Variants in ING5 observed in about 807,000 individuals in gnomAD.
ING5 encodes the protein inhibitor of growth family member 5, also known as inhibitor of growth protein 5.
A neutral mutation model predicts 37.4 loss-of-function variants in ING5; 17 were observed. That is an observed-to-expected ratio of 0.45 (90% CI 0.31 to 0.68). The LOEUF (loss-of-function observed/expected upper bound fraction) is 0.68, where lower values mean the gene tolerates loss of function less well. ING5 is among the 30% of genes least tolerant of loss of function. The pLI is 0.05. For missense variants in ING5, 233 were observed against 311.9 expected (o/e 0.75, Z 1.91); for synonymous variants, 123 against 116.6 (o/e 1.06, Z -0.36).
At position 241,702,117 on chromosome 2, in the gene ING5, C is replaced by G; in HGVS notation, c.37+15C>G. On this transcript the variant is annotated intron_variant, in intron 1 of 7. Coordinates refer to ENST00000313552, the MANE Select transcript of ING5 (RefSeq NM_032329.6). Reference sequence around the variant, plus strand: ...CTATCTGGACAGTAAGCGCGCCCCACGGGCCCCGCGCCCGCCGCCCACGCG... The same window carrying G: ...CTATCTGGACAGTAAGCGCGCCCCAGGGGCCCCGCGCCCGCCGCCCACGCG... 4 of 1,306,986 alleles carry G rather than the reference C, an allele frequency of 3.1e-6. No homozygotes were observed. The highest frequency in any genetic ancestry group is 3.9e-6 in the Non-Finnish European group (4 of 1,021,084). The allele number at this position is 1,306,986 out of a possible 1,614,324, so 81.0% of individuals were successfully genotyped here. A position where few individuals can be genotyped will look rare whatever the true frequency, so the allele number is the denominator to read the frequency against.
In ING5 at chr2:241,725,564, T is replaced by C. The variant is rs10047; in HGVS notation, c.*533T>C. 0.61 allele frequency: 92,766 copies of C among 152,072 alleles called. 29,140 individuals are homozygous for C. Among genetic ancestry groups the C allele is most frequent in the East Asian group, 0.8 (4,138 of 5,154 alleles). The allele number at this position is 152,072 out of a possible 1,614,324, so 9.4% of individuals were successfully genotyped here. A position where few individuals can be genotyped will look rare whatever the true frequency, so the allele number is the denominator to read the frequency against. Reference sequence around the variant, plus strand: ...GCGCTCCCGCGTGGGGCGCCTCGGATGGGCCCGGGAGGGCTGGGGGCTCTT... The same window carrying C: ...GCGCTCCCGCGTGGGGCGCCTCGGACGGGCCCGGGAGGGCTGGGGGCTCTT... On this transcript the variant is annotated 3_prime_UTR_variant, in exon 8 of 8. Transcript: ENST00000313552.
At chr2:241,701,957 C>T (rs2069738000), upstream of ING5, 2 of 683,850 alleles carry the variant, frequency 2.9e-6, no homozygotes, top group Non-Finnish European at 4.1e-6. Flanking sequence ...CCGGGCGCGA[C>T]CAATCAGCGC....
upstream of ING5, chr2:241,702,027 G>T: frequency 7.4e-7 from 1 of 1,345,182 alleles, no homozygotes. Context: ...CCGCGGCACC[G>T]CCCGCCCGCG....
chr2:241,706,504 C>G (rs1559302206), intron 2 of ING5, among the ~76,000 whole-genome samples: 1 of 151,690 alleles, frequency 6.6e-6, no homozygotes, highest in Non-Finnish European at 1.5e-5. Context: ...TGGCGCACGC[C>G]TATAATCCCA....
chr2:241,712,446 C>A (rs1575130853), intron 5 of ING5: 1 of 184,852 alleles, frequency 5.4e-6, no homozygotes, highest in Non-Finnish European at 1.1e-5. Flanking sequence ...CTTTAAGTAG[C>A]TAGATTTCTG....
At position 241,722,919 on chromosome 2, in the gene ING5, C is replaced by G; in HGVS notation, c.483-20C>G. Reference sequence around the variant, plus strand: ...TTCCCACCATGGCCTTCAGTGGTGCCTGTGCCCTGTCCCCTGCAGGTCTGA... The same window carrying G: ...TTCCCACCATGGCCTTCAGTGGTGCGTGTGCCCTGTCCCCTGCAGGTCTGA... On this transcript the variant is annotated intron_variant, in intron 5 of 7. Transcript: ENST00000313552. 1.2e-6 allele frequency: 2 copies of G among 1,613,290 alleles called. No individual in the cohort carries two copies. The highest frequency in any genetic ancestry group is 1.7e-6 in the Non-Finnish European group (2 of 1,180,008).
intron 7 of ING5, 147 bp from the exon 8 acceptor site, chr2:241,724,842 A>T (rs1368258460): frequency 9.9e-6 from 7 of 706,762 alleles, no homozygotes; most frequent in Admixed American, 8.3e-5. Context: ...TCCCTGCGGG[A>T]GGGCCGCGGC....
In ING5 at chr2:241,723,717, A is replaced by C. The variant is rs976269171; in HGVS notation, c.680+446A>C. Reference sequence around the variant, plus strand: ...CTCTGCCCCTGGCTCTGTCTAGTGGAGAAGGGTGTGTTTTCTCTACCTGAC... The same window carrying C: ...CTCTGCCCCTGGCTCTGTCTAGTGGCGAAGGGTGTGTTTTCTCTACCTGAC... On this transcript the variant is annotated intron_variant, in intron 7 of 7. Coordinates refer to ENST00000313552, the MANE Select transcript of ING5 (RefSeq NM_032329.6). 1.3e-5 allele frequency: 20 copies of C among 1,578,694 alleles called. No individual in the cohort carries two copies. In the East Asian group the frequency reaches 4.2e-4, roughly 33 times the overall value.
chr2:241,705,625 C>T (rs1467098989), intron 2 of ING5, among the ~76,000 whole-genome samples: 1 of 152,010 alleles, frequency 6.6e-6, no homozygotes, highest in Non-Finnish European at 1.5e-5. Context: ...CCAGGATGGT[C>T]TTGATCTACT....
At chr2:241,722,902 A>G (rs2070466141) in intron 5 of ING5, 37 bp from the exon 6 acceptor site, 4 of 1,611,004 alleles carry the variant, frequency 2.5e-6, no homozygotes, top group African/African-American at 1.3e-5. Flanking sequence ...ACTTCCCACC[A>G]TGGCCTTCAG....
chr2:241,702,451 C>T (rs543713602), intron 1 of ING5, among the ~76,000 whole-genome samples: 33 of 152,096 alleles, frequency 2.2e-4, no homozygotes, highest in African/African-American at 7.7e-4. Context: ...GCTCCGGCCC[C>T]GGCCCCGCCA....
At position 241,723,058 on chromosome 2, in the gene ING5, G is replaced by T; in HGVS notation, c.602G>T (p.Gly201Val). 6.2e-7 allele frequency: 1 copy of T among 1,614,222 alleles called. No individual in the cohort carries two copies. The highest frequency in any genetic ancestry group is 8.5e-7 in the Non-Finnish European group (1 of 1,180,052). ...CHQVSYGEMI[G>V]CDNPDCPIEW... ...CAGGTCTCCTATGGGGAGATGATTG[G>T]CTGTGACAATCCAGACGTGAGTGTC... The change falls in exon 6 of 8, where the codon GGC (glycine) becomes GTC (valine). Residue 201 changes from glycine (G) to valine (V), a missense_variant. Physicochemically the swap from Gly to Val is moderately radical, Grantham distance 109 (BLOSUM62 -3). Coordinates refer to ENST00000313552, the MANE Select transcript of ING5 (RefSeq NM_032329.6).
intron 7 of ING5, chr2:241,724,639 C>T (rs1309493268): frequency 1.8e-5 from 6 of 335,552 alleles, no homozygotes; most frequent in South Asian, 3.6e-5. Flanking sequence ...ATGCTCTCAA[C>T]GCGTGCTTGG....
upstream of ING5, chr2:241,701,996 GCACCGCCCCGCCCC>G: frequency 1.7e-6 from 2 of 1,172,302 alleles, no homozygotes; most frequent in Non-Finnish European, 2.2e-6. Context: ...GAGCGCGCTG[GCACCGCCCCGCCCC>G]CGCCTCCCGC....
upstream of ING5, among the ~76,000 whole-genome samples, chr2:241,701,361 A>C (rs900893377): frequency 6.6e-6 from 1 of 152,210 alleles, no homozygotes; most frequent in South Asian, 2.1e-4. Context: ...CAAGGCATCC[A>C]GATGGTGCGG....
At chr2:241,723,962 A>G in intron 7 of ING5, 2 of 1,250,438 alleles carry the variant, frequency 1.6e-6, no homozygotes, top group Non-Finnish European at 2.2e-6. Context: ...GTGAGCTGAG[A>G]TCGCGCCACT....
upstream of ING5, among the ~76,000 whole-genome samples, chr2:241,697,467 CTG>C (rs1391397861): frequency 1.3e-5 from 2 of 149,282 alleles, no homozygotes; most frequent in Non-Finnish European, 3.0e-5. Context: ...CATGGGTAAA[CTG>C]TGGAACATCC....
At chr2:241,712,171 C>CA in intron 5 of ING5, 100 bp downstream of exon 5, 2 of 954,854 alleles carry the variant, frequency 2.1e-6, no homozygotes, top group South Asian at 3.3e-5. Flanking sequence ...TGAAGTGCAC[C>CA]CCGTGTGCCG....
chr2:241,724,915 G>A, intron 7 of ING5, 74 bp from the exon 8 acceptor site: 22 of 1,452,868 alleles, frequency 1.5e-5, no homozygotes, highest in Non-Finnish European at 1.9e-5. Context: ...GGAGACATGG[G>A]GAGGCGGGCC....
Sources: gnomAD v4.1 joint callset for allele counts (sites outside exome capture counted in the v4.1 genomes callset) on GRCh38, gnomAD v4.1.1 for gene constraint, MANE v1.5 for transcripts, NCBI Gene and HGNC (gene_info 2026-07-23, HGNC 2026-07-21) for gene names.